VTI1A: variants seen among roughly 807,000 people sequenced by gnomAD.
The protein encoded by VTI1A is vesicle transport through interaction with t-SNAREs homolog 1A.
In VTI1A, 22 loss-of-function variants were observed where a neutral mutation model predicts 34.9. That is an observed-to-expected ratio of 0.63 (90% CI 0.45 to 0.90). VTI1A has a LOEUF of 0.90. VTI1A is among the 40% of genes least tolerant of loss of function. The pLI is 0.00. For missense variants in VTI1A, 268 were observed against 275.6 expected (o/e 0.97, Z 0.20); for synonymous variants, 87 against 97.3 (o/e 0.89, Z 0.62).
intron 5 of VTI1A, among the ~76,000 whole-genome samples, chr10:112,610,269 C>T (rs1188146881): frequency 6.6e-6 from 1 of 151,580 alleles, no homozygotes; most frequent in Non-Finnish European, 1.5e-5. Flanking sequence ...CCAGGAGTGT[C>T]TGTAAGAGCT....
chr10:112,522,029 G>A (rs185123309), intron 3 of VTI1A, among the ~76,000 whole-genome samples: 2 of 152,134 alleles, frequency 1.3e-5, no homozygotes, highest in East Asian at 3.9e-4. Flanking sequence ...CATTACAGAA[G>A]TATGATATTA....
At chr10:112,678,152 C>T (rs1564880006) in intron 7 of VTI1A, among the ~76,000 whole-genome samples, 2 of 152,140 alleles carry the variant, frequency 1.3e-5, no homozygotes, top group Non-Finnish European at 2.9e-5. Flanking sequence ...AATGGAAACA[C>T]ATCTTATCTT....
chr10:112,699,850 G>A (rs1848933590), intron 7 of VTI1A, among the ~76,000 whole-genome samples: 1 of 148,820 alleles, frequency 6.7e-6, no homozygotes, highest in Non-Finnish European at 1.5e-5. Context: ...ACTGGGCATG[G>A]TGGCTCACAC....
chr10:112,509,511 G>A (rs1222050964), intron 3 of VTI1A, among the ~76,000 whole-genome samples: 4 of 152,174 alleles, frequency 2.6e-5, no homozygotes, highest in Admixed American at 6.5e-5. Context: ...CATATCAGGC[G>A]TTAAGATTGA....
intron 3 of VTI1A, among the ~76,000 whole-genome samples, chr10:112,516,498 T>A (rs1326081128): frequency 1.3e-5 from 2 of 152,140 alleles, no homozygotes; most frequent in Non-Finnish European, 2.9e-5. Flanking sequence ...TGATATTCTG[T>A]TAGAAAAGGT....
At chr10:112,461,429 C>T (rs1589794048) in intron 2 of VTI1A, among the ~76,000 whole-genome samples, 1 of 152,166 alleles carries the variant, frequency 6.6e-6, no homozygotes, top group African/African-American at 2.4e-5. Context: ...TGATTCTCAA[C>T]ACTGTTACCA....
chr10:112,772,022 G>A (rs1357117832), intron 7 of VTI1A, among the ~76,000 whole-genome samples: 3 of 152,174 alleles, frequency 2.0e-5, no homozygotes, highest in African/African-American at 7.2e-5. Context: ...GAACATTCGT[G>A]TACAAGTTTT....
At chr10:112,629,940 G>C (rs1846066889) in intron 5 of VTI1A, among the ~76,000 whole-genome samples, 1 of 152,082 alleles carries the variant, frequency 6.6e-6, no homozygotes. Flanking sequence ...TTTAAACGAA[G>C]ATGATTTTTC....
At chr10:112,707,059 G>T (rs545497427) in intron 7 of VTI1A, among the ~76,000 whole-genome samples, 1 of 152,108 alleles carries the variant, frequency 6.6e-6, no homozygotes, top group Non-Finnish European at 1.5e-5. Context: ...ATTTATTATT[G>T]AATATTTTGA....
chr10:112,616,255 A>G (rs916426766), intron 5 of VTI1A, among the ~76,000 whole-genome samples: 2 of 152,200 alleles, frequency 1.3e-5, no homozygotes, highest in African/African-American at 4.8e-5. Context: ...TGCAATCAGG[A>G]ATCTAAAATG....
the VTI1A span, chr10:112,825,726 G>A: frequency 6.6e-6 from 1 of 152,186 alleles, no homozygotes; most frequent in East Asian, 1.9e-4. Flanking sequence ...AGCACTCCAT[G>A]GGGTCATCTC....
intron 7 of VTI1A, among the ~76,000 whole-genome samples, chr10:112,780,324 A>AT (rs1178999016): frequency 6.9e-6 from 1 of 145,740 alleles, no homozygotes; most frequent in Non-Finnish European, 1.5e-5. Context: ...AAATAAATAA[A>AT]ATAATAACCT....
At chr10:112,631,455 T>C (rs1846128566) in intron 5 of VTI1A, among the ~76,000 whole-genome samples, 1 of 152,182 alleles carries the variant, frequency 6.6e-6, no homozygotes, top group Non-Finnish European at 1.5e-5. Flanking sequence ...AACACCAGTC[T>C]TCTTCCTGTC....
chr10:112,650,983 TCA>T (rs934853374), intron 5 of VTI1A, among the ~76,000 whole-genome samples: 27 of 152,258 alleles, frequency 1.8e-4, no homozygotes, highest in African/African-American at 5.3e-4. Flanking sequence ...AAGTTATTTT[TCA>T]CAGTCTTTAT....
chr10:112,780,896 G>A (rs1024205582), intron 7 of VTI1A, among the ~76,000 whole-genome samples: 1 of 151,926 alleles, frequency 6.6e-6, no homozygotes, highest in African/African-American at 2.4e-5. Context: ...CCACCTGCCT[G>A]GAATCCCTTT....
At chr10:112,535,683 A>G (rs991410622) in intron 4 of VTI1A, among the ~76,000 whole-genome samples, 1 of 152,186 alleles carries the variant, frequency 6.6e-6, no homozygotes. Context: ...GCTCCTGCAC[A>G]GCTTCACTTA....
At chr10:112,722,922 A>T (rs1849864553) in intron 7 of VTI1A, among the ~76,000 whole-genome samples, 1 of 152,152 alleles carries the variant, frequency 6.6e-6, no homozygotes, top group African/African-American at 2.4e-5. Context: ...TTCTATTATC[A>T]ATTCAAAGCC....
At chr10:112,564,458 C>A (rs899133228) in intron 5 of VTI1A, among the ~76,000 whole-genome samples, 1 of 148,676 alleles carries the variant, frequency 6.7e-6, no homozygotes, top group East Asian at 2.0e-4. Flanking sequence ...AAAAAAAAAA[C>A]ACTCATATTG....
At position 112,481,587 on chromosome 10, in the gene VTI1A, A is replaced by G. The variant is rs148542179; in HGVS notation, c.264+16930A>G. Among the ~76,000 whole-genome samples the G allele has an allele frequency of 6.2e-4, 95 of 152,350 alleles. No homozygotes were observed. In the East Asian group the frequency reaches 0.016, roughly 26 times the overall value. On this transcript the variant is annotated intron_variant, in intron 3 of 7. Transcript: ENST00000393077. ...CTGCATTTAGTAGGAGACACTATAT[A>G]TGTCCATTTTTTTTCTTCACCCTGT...
Sources: gnomAD v4.1 joint callset for allele counts (sites outside exome capture counted in the v4.1 genomes callset) on GRCh38, gnomAD v4.1.1 for gene constraint, MANE v1.5 for transcripts, NCBI Gene and HGNC (gene_info 2026-07-23, HGNC 2026-07-21) for gene names.